The following RBFOX1 variants were observed in gnomAD, a reference collection of about 807,000 sequenced individuals.
RBFOX1 encodes the protein RNA binding fox-1 homolog 1.
RBFOX1 carries 8 observed loss-of-function variants against 57.7 expected under a neutral mutation model. That is an observed-to-expected ratio of 0.14 (90% CI 0.08 to 0.25). RBFOX1 has a LOEUF of 0.25. Among genes scored for constraint, RBFOX1 ranks in the 10% least tolerant of loss-of-function variants. The pLI, the probability that RBFOX1 is intolerant of heterozygous loss-of-function variation, is 1.00. For missense variants in RBFOX1, 611 were observed against 548.5 expected (o/e 1.11, Z -1.14); for synonymous variants, 326 against 222.4 (o/e 1.47, Z -4.15).
At chr16:6,416,709 C>T (rs1488480934) in intron 2 of RBFOX1, among the ~76,000 whole-genome samples, 1 of 152,138 alleles carries the variant, frequency 6.6e-6, no homozygotes, top group Non-Finnish European at 1.5e-5. Context: ...GCTGCATTCG[C>T]ACCTGTCAGC....
chr16:5,566,032 C>G (rs766092734), intron 2 of RBFOX1, among the ~76,000 whole-genome samples: 1 of 152,156 alleles, frequency 6.6e-6, no homozygotes, highest in African/African-American at 2.4e-5. Context: ...TTTCTCTTGG[C>G]TTTCATTCTC....
chr16:7,704,062 G>A (rs747299316), intron 14 of RBFOX1, among the ~76,000 whole-genome samples: 38 of 152,282 alleles, frequency 2.5e-4, no homozygotes, highest in Non-Finnish European at 4.1e-4. Flanking sequence ...GGCTCAGTCA[G>A]AAAACTACTG....
chr16:6,630,166 A>G, intron 2 of RBFOX1, among the ~76,000 whole-genome samples: 1 of 152,076 alleles, frequency 6.6e-6, no homozygotes, highest in East Asian at 1.9e-4. Flanking sequence ...CACCCAGTTA[A>G]TTAAGTAACT....
chr16:6,560,614 T>A (rs2097168099), intron 2 of RBFOX1, among the ~76,000 whole-genome samples: 1 of 152,196 alleles, frequency 6.6e-6, no homozygotes, highest in Admixed American at 6.5e-5. Flanking sequence ...TTAGGACTTG[T>A]AGGCATTCAG....
intron 3 of RBFOX1, among the ~76,000 whole-genome samples, chr16:6,687,268 G>A (rs1206476797): frequency 6.6e-6 from 1 of 152,030 alleles, no homozygotes; most frequent in Non-Finnish European, 1.5e-5. Context: ...TGATATAATC[G>A]ACTTTGGATA....
At chr16:5,656,440 A>G (rs185933011) in intron 3 of RBFOX1, among the ~76,000 whole-genome samples, 61 of 152,326 alleles carry the variant, frequency 4.0e-4, no homozygotes, top group Non-Finnish European at 7.9e-4. Flanking sequence ...AATTTAAGCC[A>G]CTTTACTAAG....
At chr16:5,895,841 G>A (rs983310378) in intron 4 of RBFOX1, among the ~76,000 whole-genome samples, 1 of 152,138 alleles carries the variant, frequency 6.6e-6, no homozygotes, top group Admixed American at 6.5e-5. Flanking sequence ...AACGGAAAGC[G>A]ATGTAACTGT....
intron 1 of RBFOX1, among the ~76,000 whole-genome samples, chr16:6,149,591 G>A (rs2096783486): frequency 6.6e-6 from 1 of 152,200 alleles, no homozygotes; most frequent in South Asian, 2.1e-4. Flanking sequence ...TCCCTTAGAT[G>A]AGGCAGATGC....
chr16:7,472,456 T>A (rs1179258199), intron 4 of RBFOX1, among the ~76,000 whole-genome samples: 1 of 152,222 alleles, frequency 6.6e-6, no homozygotes, highest in Admixed American at 6.5e-5. Flanking sequence ...GAACTATAAG[T>A]CTGAAACCAG....
intron 2 of RBFOX1, among the ~76,000 whole-genome samples, chr16:6,521,454 CCCTCT>C (rs930662848): frequency 5.6e-5 from 8 of 141,736 alleles, no homozygotes; most frequent in South Asian, 2.5e-4. Flanking sequence ...CCCTCCCGTC[CCCTCT>C]CCTCTCCTCT....
chr16:6,002,572 GAGAGA>G (rs753237507), intron 4 of RBFOX1, among the ~76,000 whole-genome samples: 1 of 152,178 alleles, frequency 6.6e-6, no homozygotes, highest in Non-Finnish European at 1.5e-5. Flanking sequence ...ATCCATAATT[GAGAGA>G]AGAGAACTCC....
chr16:5,948,033 A>G (rs765465644), intron 4 of RBFOX1, among the ~76,000 whole-genome samples: 1 of 152,200 alleles, frequency 6.6e-6, no homozygotes. Flanking sequence ...TCTTCAGCAG[A>G]ACCAACGCTG....
intron 3 of RBFOX1, among the ~76,000 whole-genome samples, chr16:5,612,649 G>C (rs1445369021): frequency 6.6e-6 from 1 of 152,234 alleles, no homozygotes; most frequent in Non-Finnish European, 1.5e-5. Flanking sequence ...GGTCAGGCGA[G>C]AATAGAGCAT....
intron 3 of RBFOX1, among the ~76,000 whole-genome samples, chr16:5,653,020 C>T (rs893280275): frequency 6.6e-6 from 1 of 151,942 alleles, no homozygotes; most frequent in Non-Finnish European, 1.5e-5. Context: ...GAGCCGTGTG[C>T]TGGGCTTCTG....
At chr16:6,527,101 T>C (rs2096591484) in intron 2 of RBFOX1, among the ~76,000 whole-genome samples, 1 of 152,144 alleles carries the variant, frequency 6.6e-6, no homozygotes, top group African/African-American at 2.4e-5. Flanking sequence ...TTGCCTTTCT[T>C]TTTAAATTAT....
At chr16:6,202,074 AAAAC>A (rs761445428) in intron 1 of RBFOX1, among the ~76,000 whole-genome samples, 3 of 152,186 alleles carry the variant, frequency 2.0e-5, no homozygotes, top group Non-Finnish European at 4.4e-5. Flanking sequence ...AAAACAAAAC[AAAAC>A]AAACAAAAAA....
chr16:6,914,326 G>C (rs943700003), intron 3 of RBFOX1, among the ~76,000 whole-genome samples: 1 of 152,140 alleles, frequency 6.6e-6, no homozygotes, highest in Admixed American at 6.5e-5. Context: ...GATATATCTA[G>C]TCCGGGGTGT....
At chr16:5,804,747 G>A (rs1192731545) in intron 3 of RBFOX1, among the ~76,000 whole-genome samples, 1 of 152,172 alleles carries the variant, frequency 6.6e-6, no homozygotes, top group East Asian at 1.9e-4. Context: ...AGCAGTGGCT[G>A]CTGCCTGGCC....
At chr16:6,899,066 T>C (rs541752288) in intron 3 of RBFOX1, among the ~76,000 whole-genome samples, 2 of 146,520 alleles carry the variant, frequency 1.4e-5, no homozygotes, top group Admixed American at 1.4e-4. Flanking sequence ...ATAATACATG[T>C]ATTACACACA....
Sources: gnomAD v4.1 joint callset for allele counts (sites outside exome capture counted in the v4.1 genomes callset) on GRCh38, gnomAD v4.1.1 for gene constraint, MANE v1.5 for transcripts, NCBI Gene and HGNC (gene_info 2026-07-23, HGNC 2026-07-21) for gene names.